PCCA: variants seen among roughly 807,000 people sequenced by gnomAD.
The protein encoded by PCCA is propionyl-CoA carboxylase alpha chain, mitochondrial.
A neutral mutation model predicts 101.3 loss-of-function variants in PCCA; 74 were observed. The ratio of observed to expected loss-of-function variants is 0.73; its 90% CI spans 0.61 to 0.89. The LOEUF is 0.89. Among genes scored for constraint, PCCA ranks in the 40% least tolerant of loss-of-function variants. The pLI, the probability that PCCA is intolerant of heterozygous loss-of-function variation, is 0.00. For missense variants in PCCA, 891 were observed against 907.0 expected (o/e 0.98, Z 0.23); for synonymous variants, 294 against 313.6 (o/e 0.94, Z 0.66).
intron 1 of PCCA, among the ~76,000 whole-genome samples, chr13:100,094,744 T>C (rs919378286): frequency 9.2e-5 from 14 of 152,280 alleles, no homozygotes; most frequent in African/African-American, 2.9e-4. Context: ...TGTGCCACCA[T>C]GCCCAGCTAA....
chr13:100,491,507 G>C, intron 21 of PCCA: 1 of 386,048 alleles, frequency 2.6e-6, no homozygotes, highest in South Asian at 2.6e-5. Flanking sequence ...TACCAAAAAA[G>C]AAGAAAATAG....
intron 4 of PCCA, chr13:100,149,307 T>G (rs1429000069): frequency 6.6e-6 from 1 of 152,092 alleles, no homozygotes; most frequent in Non-Finnish European, 1.5e-5. Context: ...GGTAAAATGC[T>G]TATAAGGAAA....
At chr13:100,198,421 A>C (rs1232152358) in intron 6 of PCCA, 1 of 152,222 alleles carries the variant, frequency 6.6e-6, no homozygotes, top group Non-Finnish European at 1.5e-5. Context: ...CTGGCTGTCC[A>C]TGTCCAAACA....
At chr13:100,368,605 T>C (rs1189371970) in intron 19 of PCCA, 31 bp downstream of exon 19, 3 of 1,319,218 alleles carry the variant, frequency 2.3e-6, no homozygotes, top group South Asian at 1.2e-5. Context: ...TTCTTGGTAA[T>C]CTTGATGTTA....
rs1555327702 is a variant in PCCA at position 100,515,552 on chromosome 13, CA to C, written c.2027del (p.Lys676SerfsTer6). 6.2e-7 allele frequency: 1 copy of C among 1,613,976 alleles called. No individual in the cohort carries two copies. The highest frequency in any genetic ancestry group is 8.5e-7 in the Non-Finnish European group (1 of 1,179,980). Reference sequence around the variant, plus strand: ...CCGGAGTGGTGGTGGCCGTCTCTGTCAAGCCTGGAGACGCGGTAAGGGCTGT... The same window carrying C: ...CCGGAGTGGTGGTGGCCGTCTCTGTCAGCCTGGAGACGCGGTAAGGGCTGT... ...MPGVVVAVSV[K>X]PGDAVAEGQE... On this transcript the variant is annotated frameshift_variant, in exon 22 of 24. Coordinates refer to ENST00000376285, the MANE Select transcript of PCCA (RefSeq NM_000282.4). LOFTEE classifies it high-confidence loss of function.
chr13:100,187,681 A>G (rs2057399191), intron 6 of PCCA, among the ~76,000 whole-genome samples: 1 of 152,192 alleles, frequency 6.6e-6, no homozygotes, highest in African/African-American at 2.4e-5. Context: ...TATTGTTGAA[A>G]AAAACTTATT....
intron 6 of PCCA, among the ~76,000 whole-genome samples, chr13:100,195,430 T>G (rs1263463896): frequency 6.6e-6 from 1 of 152,222 alleles, no homozygotes; most frequent in Non-Finnish European, 1.5e-5. Flanking sequence ...TTTAAACTGA[T>G]TAACAGTATT....
At chr13:100,514,538 A>G (rs1321739046) in intron 21 of PCCA, among the ~76,000 whole-genome samples, 2 of 152,170 alleles carry the variant, frequency 1.3e-5, no homozygotes, top group African/African-American at 2.4e-5. Flanking sequence ...TTTCACCAAG[A>G]GACACTTCCT....
chr13:100,427,508 CA>C (rs1011773648), intron 20 of PCCA, among the ~76,000 whole-genome samples: 10 of 152,084 alleles, frequency 6.6e-5, no homozygotes, highest in African/African-American at 2.2e-4. Context: ...GTAGAATAAT[CA>C]AAAATATTTT....
chr13:100,099,904 G>A (rs1024490708), intron 1 of PCCA, among the ~76,000 whole-genome samples: 14 of 152,052 alleles, frequency 9.2e-5, no homozygotes, highest in African/African-American at 2.9e-4. Context: ...AAATGTCAGA[G>A]CCAAGATTTG....
intron 23 of PCCA, among the ~76,000 whole-genome samples, chr13:100,527,998 C>T (rs1008574089): frequency 6.6e-6 from 1 of 152,218 alleles, no homozygotes; most frequent in Admixed American, 6.5e-5. Context: ...TTGTTCTTCA[C>T]CTTAATGTCT....
intron 19 of PCCA, among the ~76,000 whole-genome samples, chr13:100,405,680 A>G (rs2077625543): frequency 1.3e-5 from 2 of 151,608 alleles, no homozygotes. Context: ...ATGGCTTTCT[A>G]TCCTCAAATA....
At chr13:100,108,896 T>C (rs889575464) in intron 2 of PCCA, among the ~76,000 whole-genome samples, 12 of 152,244 alleles carry the variant, frequency 7.9e-5, no homozygotes, top group African/African-American at 2.2e-4. Flanking sequence ...TTCTGAATTA[T>C]ATGCATCTAT....
intron 19 of PCCA, among the ~76,000 whole-genome samples, chr13:100,399,075 A>T (rs2077195197): frequency 6.6e-6 from 1 of 152,092 alleles, no homozygotes; most frequent in Non-Finnish European, 1.5e-5. Flanking sequence ...TTTCCATGTT[A>T]AATATGCTTT....
At chr13:100,117,845 AGTGGCTCACGCCT>A (rs2048955022) in intron 4 of PCCA, among the ~76,000 whole-genome samples, 1 of 152,088 alleles carries the variant, frequency 6.6e-6, no homozygotes, top group South Asian at 2.1e-4. Context: ...GGCCGGGCGT[AGTGGCTCACGCCT>A]GTAATCCCAG....
At position 100,415,264 on chromosome 13, in the gene PCCA, A is replaced by G. The variant is rs956994402; in HGVS notation, c.1747-10369A>G. On this transcript the variant is annotated intron_variant, in intron 19 of 23. Coordinates refer to ENST00000376285, the MANE Select transcript of PCCA (RefSeq NM_000282.4). ...CAAAAAAAAAAAAAAAAAATTAGCC[A>G]GGCATGATGGCAAACATCTGTAACC... Among the ~76,000 whole-genome samples, 27 of 150,106 alleles carry G rather than the reference A, an allele frequency of 1.8e-4. 1 individual carries two copies. Among genetic ancestry groups the G allele is most frequent in the Admixed American group, 6.6e-5 (1 of 15,068 alleles).
At chr13:100,350,170 C>T (rs1025534726) in intron 18 of PCCA, among the ~76,000 whole-genome samples, 3 of 152,062 alleles carry the variant, frequency 2.0e-5, no homozygotes, top group South Asian at 2.1e-4. Context: ...TATTGTTGAA[C>T]GGGTACATAC....
intron 22 of PCCA, chr13:100,527,370 G>A (rs758382498): frequency 2.9e-5 from 15 of 512,580 alleles, no homozygotes; most frequent in South Asian, 2.0e-4. Context: ...TCCAATTTCC[G>A]AACACCTCTG....
intron 2 of PCCA, among the ~76,000 whole-genome samples, chr13:100,106,966 T>G (rs539280477): frequency 6.6e-6 from 1 of 152,304 alleles, no homozygotes; most frequent in African/African-American, 2.4e-5. Context: ...CGCTTCACCC[T>G]TCACTTGAGG....
Sources: allele counts gnomAD v4.1 joint callset (sites outside exome capture counted in the v4.1 genomes callset), GRCh38; gene constraint gnomAD v4.1.1; transcripts MANE v1.5; gene names NCBI Gene and HGNC (gene_info 2026-07-23, HGNC 2026-07-21).